The following RBM6 variants were observed in gnomAD, a reference collection of about 807,000 sequenced individuals.
The protein encoded by RBM6 is RNA-binding protein 6.
RBM6 carries 23 observed loss-of-function variants against 140.4 expected under a neutral mutation model. That is an observed-to-expected ratio of 0.16 (90% CI 0.12 to 0.23). RBM6 has a LOEUF of 0.23. Ranked by LOEUF, RBM6 falls within the 10% of genes least tolerant of loss-of-function variation. RBM6 has a pLI of 1.00. For missense variants in RBM6, 1,139 were observed against 1,386.7 expected (o/e 0.82, Z 2.84); for synonymous variants, 439 against 475.6 (o/e 0.92, Z 1.00).
chr3:50,015,711 C>T (rs1036873505), intron 6 of RBM6, among the ~76,000 whole-genome samples: 6 of 152,170 alleles, frequency 3.9e-5, no homozygotes, highest in East Asian at 1.9e-4. Flanking sequence ...GGATTACAGG[C>T]GTGAGCCACC....
intron 6 of RBM6, among the ~76,000 whole-genome samples, chr3:50,027,143 G>A (rs1485573160): frequency 1.3e-5 from 2 of 152,086 alleles, no homozygotes; most frequent in Admixed American, 6.6e-5. Flanking sequence ...GCAGTGGTGT[G>A]CATGGTTAGG....
intron 2 of RBM6, chr3:49,963,122 AAAG>A (rs2084359202): frequency 6.6e-6 from 1 of 152,526 alleles, no homozygotes; most frequent in South Asian, 2.1e-4. Flanking sequence ...AAAAAAAAAA[AAAG>A]AAAAAAAAAG....
intron 10 of RBM6, 72 bp downstream of exon 10, chr3:50,058,634 G>T: frequency 6.8e-7 from 1 of 1,473,228 alleles, no homozygotes; most frequent in Non-Finnish European, 9.3e-7. Context: ...TTGACTGGGG[G>T]CCGGGCCTGG....
At chr3:49,978,412 C>T (rs1226003500) in intron 5 of RBM6, among the ~76,000 whole-genome samples, 1 of 152,134 alleles carries the variant, frequency 6.6e-6, no homozygotes, top group Non-Finnish European at 1.5e-5. Flanking sequence ...TTGTGGAGTA[C>T]AGTCTGTCCT....
intron 1 of RBM6, among the ~76,000 whole-genome samples, chr3:49,959,571 G>GT (rs551329901): frequency 0.053 from 6,062 of 114,204 alleles, 512 homozygotes; most frequent in African/African-American, 0.16. Context: ...TATATTTAGG[G>GT]TTTTTTTTTT....
intron 5 of RBM6, among the ~76,000 whole-genome samples, chr3:49,983,280 A>G (rs541503987): frequency 3.3e-5 from 5 of 152,344 alleles, no homozygotes; most frequent in South Asian, 2.1e-4. Context: ...GAATCTTTCA[A>G]TGTAGGGATA....
intron 1 of RBM6, chr3:49,940,509 C>G (rs1376821883): frequency 6.4e-6 from 1 of 155,150 alleles, no homozygotes; most frequent in African/African-American, 2.4e-5. Flanking sequence ...AGGCTGGGGC[C>G]GGCGCGTGGT....
chr3:50,019,474 T>C (rs1025674337), intron 6 of RBM6, among the ~76,000 whole-genome samples: 5 of 152,192 alleles, frequency 3.3e-5, no homozygotes, highest in African/African-American at 1.2e-4. Context: ...GGAGCTGTCT[T>C]TCTCTTCTTT....
chr3:49,947,190 C>T (rs1350321888), intron 1 of RBM6, among the ~76,000 whole-genome samples: 13 of 144,406 alleles, frequency 9.0e-5, no homozygotes, highest in South Asian at 6.5e-4. Context: ...AGGCAGAGCT[C>T]GCAGTGAGCA....
intron 6 of RBM6, among the ~76,000 whole-genome samples, chr3:50,016,856 C>T (rs996833000): frequency 2.9e-5 from 4 of 139,132 alleles, no homozygotes; most frequent in East Asian, 2.0e-4. Flanking sequence ...GACAGAGTCT[C>T]GCTGTGTTGC....
At chr3:50,015,687 C>A (rs1348055996) in intron 6 of RBM6, among the ~76,000 whole-genome samples, 1 of 152,142 alleles carries the variant, frequency 6.6e-6, no homozygotes, top group African/African-American at 2.4e-5. Context: ...CTGCCTCAGC[C>A]TCCCAAAGTG....
At chr3:49,974,438 C>G (rs1369210606) in intron 4 of RBM6, among the ~76,000 whole-genome samples, 1 of 149,188 alleles carries the variant, frequency 6.7e-6, no homozygotes, top group African/African-American at 2.5e-5. Flanking sequence ...GTGGTGCGAT[C>G]TTGGCTCACT....
Position 49,968,795 on chromosome 3 carries a change from T to G in RBM6, c.1323+47T>G, listed in dbSNP as rs1185397265. On this transcript the variant is annotated intron_variant, in intron 3 of 20. Transcript: ENST00000266022. Reference sequence around the variant, plus strand: ...CTTTTTTTTTTTTTTTTTTTTTTTTTTTTGAGACGGAGTCTCGCTCTGTTG... The same window carrying G: ...CTTTTTTTTTTTTTTTTTTTTTTTTGTTTGAGACGGAGTCTCGCTCTGTTG... The G allele has an allele frequency of 3.2e-6, 4 of 1,237,834 alleles. No individual in the cohort carries two copies. In the Admixed American group the frequency reaches 1.1e-4, roughly 33 times the overall value. 76.7% of individuals were successfully genotyped at this position (1,237,834 alleles called of 1,614,324 possible).
rs2083225638 is a variant in RBM6 at position 49,940,243 on chromosome 3, G to T, written c.-67+18G>T. On this transcript the variant is annotated intron_variant, in intron 1 of 20. Coordinates refer to ENST00000266022, the MANE Select transcript of RBM6 (RefSeq NM_005777.3). ...CCGCCTAGGTAAGGGCCCGGGACTG[G>T]AGGGGAGGCGTGCCAGAGCCTGCCA... 1 of 152,510 alleles carries T rather than the reference G, an allele frequency of 6.6e-6. No homozygotes were observed. The highest frequency in any genetic ancestry group is 2.4e-5 in the African/African-American group (1 of 41,468). 9.4% of individuals were successfully genotyped at this position (152,510 alleles called of 1,614,324 possible). A position where few individuals can be genotyped will look rare whatever the true frequency, so the allele number is the denominator to read the frequency against.
At chr3:49,974,228 ATATT>A (rs920386396) in intron 4 of RBM6, among the ~76,000 whole-genome samples, 1 of 151,196 alleles carries the variant, frequency 6.6e-6, no homozygotes, top group South Asian at 2.1e-4. Flanking sequence ...GAATTTTTAA[ATATT>A]TATTTATTTA....
chr3:49,943,769 T>C (rs1255527667), intron 1 of RBM6, among the ~76,000 whole-genome samples: 3 of 152,200 alleles, frequency 2.0e-5, no homozygotes, highest in Non-Finnish European at 4.4e-5. Context: ...TTGGTTATTA[T>C]ATGTTTAGCT....
chr3:49,968,249 G>A lies in RBM6; in HGVS notation c.824G>A (p.Gly275Glu), dbSNP rs1031551966. ...TDQDFRGREM[G>E]SCMEFKDREM... Reference sequence around the variant, plus strand: ...CAGGATTTTAGGGGCAGAGAGATGGGATCTTGTATGGAATTTAAAGATAGG... The same window carrying A: ...CAGGATTTTAGGGGCAGAGAGATGGAATCTTGTATGGAATTTAAAGATAGG... Residue 275 changes from glycine (G) to glutamate (E), a missense_variant, in exon 3 of 21, where the codon GGA (glycine) becomes GAA (glutamate). Physicochemically the swap from Gly to Glu is moderately conservative, Grantham distance 98. Around this residue, in one of 9 missense-constraint regions of RBM6, gnomAD observed 566 missense variants for 612.7 expected, o/e 0.92. Coordinates refer to ENST00000266022, the MANE Select transcript of RBM6 (RefSeq NM_005777.3). 1 of 1,614,110 alleles carries A rather than the reference G, an allele frequency of 6.2e-7. No homozygotes were observed. Among genetic ancestry groups the A allele is most frequent in the Non-Finnish European group, 8.5e-7 (1 of 1,180,016 alleles).
chr3:50,015,493 C>T (rs1181961762), intron 6 of RBM6, among the ~76,000 whole-genome samples: 8 of 150,750 alleles, frequency 5.3e-5, no homozygotes, highest in South Asian at 4.2e-4. Context: ...TGCAGTGGCG[C>T]GATCTCGGAT....
At chr3:49,975,207 C>T in intron 4 of RBM6, 116 bp from the exon 5 acceptor site, 1 of 909,524 alleles carries the variant, frequency 1.1e-6, no homozygotes. Flanking sequence ...TTTAACTTTG[C>T]TTTTCCAAAG....
Sources: gnomAD v4.1 joint callset for allele counts (sites outside exome capture counted in the v4.1 genomes callset) on GRCh38, gnomAD v4.1.1 for gene constraint, gnomAD v4.1.1 regional missense constraint, MANE v1.5 for transcripts, NCBI Gene and HGNC (gene_info 2026-07-23, HGNC 2026-07-21) for gene names.